USP15: variants seen among roughly 807,000 people sequenced by gnomAD.
USP15 encodes ubiquitin carboxyl-terminal hydrolase 15.
A neutral mutation model predicts 127.1 loss-of-function variants in USP15; 18 were observed. The ratio of observed to expected loss-of-function variants is 0.14; its 90% CI spans 0.10 to 0.21. The LOEUF (loss-of-function observed/expected upper bound fraction) is 0.21. Ranked by LOEUF, USP15 falls within the 10% of genes least tolerant of loss-of-function variation. The probability of loss-of-function intolerance (pLI) is 1.00; values close to 1 mark genes in which losing one functional copy is unlikely to be tolerated. For missense variants in USP15, 805 were observed against 1,159.9 expected, an observed-to-expected ratio of 0.69 and a Z score of 4.44; for synonymous variants, 364 against 393.7, an observed-to-expected ratio of 0.92 and a Z score of 0.89.
intron 1 of USP15, among the ~76,000 whole-genome samples, chr12:62,268,835 C>A (rs1019990373): frequency 6.6e-6 from 1 of 152,064 alleles, no homozygotes; most frequent in Non-Finnish European, 1.5e-5. Context: ...AAGAGTTGTG[C>A]AGCCATGACC....
At chr12:62,339,516 G>C (rs1209113399) in intron 6 of USP15, among the ~76,000 whole-genome samples, 2 of 152,086 alleles carry the variant, frequency 1.3e-5, no homozygotes, top group Non-Finnish European at 2.9e-5. Context: ...TATGATATTG[G>C]CTATGGGTCT....
chr12:62,312,431 T>A (rs527850437), intron 3 of USP15: 85 of 156,110 alleles, frequency 5.4e-4, no homozygotes, highest in Non-Finnish European at 1.0e-3. Flanking sequence ...AATGAACAAA[T>A]AGAAATTATT....
chr12:62,380,007 A>G (rs1211074948), intron 8 of USP15, among the ~76,000 whole-genome samples: 1 of 152,064 alleles, frequency 6.6e-6, no homozygotes, highest in Non-Finnish European at 1.5e-5. Flanking sequence ...ACACTGTAGC[A>G]TACCTCTCTT....
At chr12:62,389,721 C>T (rs372256530) in intron 13 of USP15, 22 bp downstream of exon 13, 1 of 1,598,320 alleles carries the variant, frequency 6.3e-7, no homozygotes, top group Non-Finnish European at 8.5e-7. Context: ...ACTCATTGTG[C>T]AAAATATTAC....
At chr12:62,334,948 A>G (rs1225141524) in intron 6 of USP15, among the ~76,000 whole-genome samples, 1 of 152,176 alleles carries the variant, frequency 6.6e-6, no homozygotes, top group East Asian at 1.9e-4. Context: ...GCATAGGGAA[A>G]TTCAGATACT....
intron 11 of USP15, 31 bp downstream of exon 11, chr12:62,384,333 T>G (rs770074220): frequency 4.7e-4 from 655 of 1,397,914 alleles, no homozygotes; most frequent in South Asian, 7.2e-4. Flanking sequence ...TTTTGTTTTT[T>G]TTTTTTTTTT....
chr12:62,336,528 AC>A, intron 6 of USP15: 1 of 969,032 alleles, frequency 1.0e-6, no homozygotes, highest in Non-Finnish European at 1.2e-6. Flanking sequence ...GATCCAAAGA[AC>A]TTCTGTTATA....
intron 21 of USP15, among the ~76,000 whole-genome samples, chr12:62,402,734 A>G (rs924144983): frequency 1.3e-5 from 2 of 152,050 alleles, no homozygotes; most frequent in African/African-American, 4.8e-5. Flanking sequence ...TTGTTTAGAC[A>G]TTTTCTTACA....
chr12:62,396,249 C>A lies in USP15; in HGVS notation c.2571-46C>A, dbSNP rs372353692. ...TGGCAGAAGGGAATAGAATTCATTGCATTTAGGGACAACATAAAAATTAAC... is the reference window on the plus strand; with the variant it reads ...TGGCAGAAGGGAATAGAATTCATTGAATTTAGGGACAACATAAAAATTAAC... On this transcript the variant is annotated intron_variant, in intron 19 of 21. Transcript: ENST00000280377. 40 of 1,467,396 alleles carry A rather than the reference C, an allele frequency of 2.7e-5. No homozygotes were observed. In the South Asian group the frequency reaches 3.7e-4, roughly 13 times the overall value. 90.9% of individuals were successfully genotyped at this position (1,467,396 alleles called of 1,614,324 possible). A position where few individuals can be genotyped will look rare whatever the true frequency, so the allele number is the denominator to read the frequency against.
At chr12:62,274,141 G>A (rs1192355801) in intron 1 of USP15, 4 of 151,936 alleles carry the variant, frequency 2.6e-5, no homozygotes, top group Non-Finnish European at 5.9e-5. Context: ...TGTACCCACC[G>A]AGTAGTGTTA....
intron 20 of USP15, among the ~76,000 whole-genome samples, chr12:62,398,253 G>T (rs1160353052): frequency 6.6e-6 from 1 of 151,992 alleles, no homozygotes; most frequent in Non-Finnish European, 1.5e-5. Context: ...TCAGCCTCCT[G>T]AGTATCAGGG....
At chr12:62,267,308 T>C (rs1236818293) in intron 1 of USP15, 1 of 152,154 alleles carries the variant, frequency 6.6e-6, no homozygotes, top group African/African-American at 2.4e-5. Flanking sequence ...AAAGTCACTA[T>C]TCAAGAAATC....
At chr12:62,305,509 C>T (rs944982330) in intron 3 of USP15, 6 of 152,042 alleles carry the variant, frequency 3.9e-5, no homozygotes, top group African/African-American at 1.4e-4. Flanking sequence ...TTGTTACCTG[C>T]AGACGTGTAT....
At chr12:62,346,375 A>G (rs781448912) in intron 6 of USP15, among the ~76,000 whole-genome samples, 17 of 152,194 alleles carry the variant, frequency 1.1e-4, no homozygotes, top group Non-Finnish European at 2.2e-4. Context: ...TTTATCCACC[A>G]TTGCTTTTGC....
intron 11 of USP15, 25 bp downstream of exon 11, chr12:62,384,327 G>GTTTTTTTTTTTTTT (rs58138194): frequency 1.4e-5 from 15 of 1,057,748 alleles, no homozygotes; most frequent in Admixed American, 7.0e-5. Flanking sequence ...GGTTTGTTTT[G>GTTTTTTTTTTTTTT]TTTTTTTTTT....
chr12:62,392,688 G>C (rs1003809957), intron 18 of USP15, among the ~76,000 whole-genome samples: 1 of 151,954 alleles, frequency 6.6e-6, no homozygotes, highest in Admixed American at 6.6e-5. Context: ...AGCTTTTTAG[G>C]AAAAATGTAG....
At chr12:62,380,407 C>T (rs182936657) in intron 8 of USP15, among the ~76,000 whole-genome samples, 137 of 152,062 alleles carry the variant, frequency 9.0e-4, no homozygotes, top group African/African-American at 2.9e-3. Flanking sequence ...TAGTTTATGG[C>T]ATGTAAGTTA....
chr12:62,390,873 C>A lies in USP15; in HGVS notation c.1854C>A (p.Val618=). 6.2e-7 allele frequency: 1 copy of A among 1,608,412 alleles called. No individual in the cohort carries two copies. Among genetic ancestry groups the A allele is most frequent in the South Asian group, 1.1e-5 (1 of 90,324 alleles). ...TTTGATTTTACTTAAGCCGATATGT[C>A]AAAATATCTACTGAAACTGAAGAAA... The part of the protein sequence containing the change: ...NLLLLRMCRY[V]KISTETEETE... Residue 618 remains valine (V), a synonymous_variant, in exon 15 of 22, where the codon GTC becomes GTA. Transcript: ENST00000280377.
intron 4 of USP15, among the ~76,000 whole-genome samples, chr12:62,320,316 C>G (rs1208042217): frequency 6.6e-6 from 1 of 152,054 alleles, no homozygotes; most frequent in East Asian, 1.9e-4. Context: ...GCACTCTCTC[C>G]TGCTCCTCCA....
Sources: gnomAD v4.1 joint callset for allele counts (sites outside exome capture counted in the v4.1 genomes callset) on GRCh38, gnomAD v4.1.1 for gene constraint, MANE v1.5 for transcripts, NCBI Gene and HGNC (gene_info 2026-07-23, HGNC 2026-07-21) for gene names.